The following ARHGAP44 variants were observed in gnomAD, a reference collection of about 807,000 sequenced individuals.
The protein encoded by ARHGAP44 is rho GTPase-activating protein 44.
In ARHGAP44, 43 loss-of-function variants were observed where a neutral mutation model predicts 106.8. The ratio of observed to expected loss-of-function variants is 0.40; its 90% confidence interval spans 0.32 to 0.52. The LOEUF is 0.52. ARHGAP44 is among the 20% of genes least tolerant of loss of function. The probability of loss-of-function intolerance (pLI) is 0.48; values close to 1 mark genes in which losing one functional copy is unlikely to be tolerated. For missense variants in ARHGAP44, 866 were observed against 1,050.5 expected (o/e 0.82, Z 2.43); for synonymous variants, 439 against 410.3 (o/e 1.07, Z -0.85).
intron 1 of ARHGAP44, among the ~76,000 whole-genome samples, chr17:12,858,775 C>A (rs1355212303): frequency 3.3e-5 from 5 of 152,038 alleles, no homozygotes; most frequent in African/African-American, 1.2e-4. Flanking sequence ...TAAAGACATA[C>A]CCAAGACTGG....
At chr17:12,800,798 C>G (rs565064841) in intron 1 of ARHGAP44, among the ~76,000 whole-genome samples, 12 of 152,310 alleles carry the variant, frequency 7.9e-5, no homozygotes, top group African/African-American at 2.9e-4. Context: ...GAACCAGGGC[C>G]TAAGTAGGTC....
At chr17:12,935,234 TAAC>T (rs920664167) in intron 7 of ARHGAP44, among the ~76,000 whole-genome samples, 3 of 152,178 alleles carry the variant, frequency 2.0e-5, no homozygotes, top group Non-Finnish European at 4.4e-5. Flanking sequence ...TTACTTATGA[TAAC>T]AATAAATTTC....
At chr17:12,879,683 G>GTATATATA (rs533622463) in intron 1 of ARHGAP44, among the ~76,000 whole-genome samples, 69 of 113,382 alleles carry the variant, frequency 6.1e-4, no homozygotes, top group African/African-American at 1.8e-3. Flanking sequence ...GTGTGTATGT[G>GTATATATA]TATATATATA....
intron 7 of ARHGAP44, among the ~76,000 whole-genome samples, chr17:12,940,089 G>A (rs2038664691): frequency 6.6e-6 from 1 of 152,216 alleles, no homozygotes; most frequent in African/African-American, 2.4e-5. Context: ...TCTTCCTGAA[G>A]CATATAGTTA....
intron 3 of ARHGAP44, among the ~76,000 whole-genome samples, chr17:12,904,306 C>T (rs2037481900): frequency 6.6e-6 from 1 of 152,136 alleles, no homozygotes; most frequent in Non-Finnish European, 1.5e-5. Flanking sequence ...TGGGGCTTCA[C>T]CATGTTAGCC....
chr17:12,893,960 G>C (rs73294279), intron 1 of ARHGAP44, among the ~76,000 whole-genome samples: 2 of 151,982 alleles, frequency 1.3e-5, no homozygotes, highest in Non-Finnish European at 2.9e-5. Flanking sequence ...AGGGTCTTAC[G>C]TTTCTAAACA....
At chr17:12,837,409 C>CA (rs956806032) in intron 1 of ARHGAP44, among the ~76,000 whole-genome samples, 7 of 151,164 alleles carry the variant, frequency 4.6e-5, no homozygotes, top group Admixed American at 2.6e-4. Context: ...TATGTACCCA[C>CA]AAAAAAAAGC....
At chr17:12,957,177 T>C (rs2143159727) in intron 15 of ARHGAP44, among the ~76,000 whole-genome samples, 1 of 152,222 alleles carries the variant, frequency 6.6e-6, no homozygotes, top group South Asian at 2.1e-4. Flanking sequence ...AGGCTGGTCT[T>C]GAACTCCTGA....
At chr17:12,971,951 C>T (rs1008720171) in intron 16 of ARHGAP44, among the ~76,000 whole-genome samples, 11 of 152,162 alleles carry the variant, frequency 7.2e-5, no homozygotes, top group Non-Finnish European at 1.5e-4. Flanking sequence ...CCCACCATCC[C>T]ACCTTCTGCA....
In ARHGAP44 at chr17:12,958,866, A is replaced by G; in HGVS notation, c.1492A>G (p.Asn498Asp). Residue 498 changes from asparagine (N) to aspartate (D), a missense_variant, in exon 16 of 21, where the codon AAT becomes GAT. Around this residue, in one of 2 missense-constraint regions of ARHGAP44, gnomAD observed 448 missense variants for 646.9 expected, o/e 0.69. Coordinates refer to ENST00000379672, the MANE Select transcript of ARHGAP44 (RefSeq NM_014859.6). The surrounding 1 kb of genome is among the most constrained non-coding windows in gnomAD (Gnocchi z 4.1). ...CCGGCCCCTCAGCGTCGCCACGGAT[A>G]ATATGATGCTGGAGTTTTACAAAAA... ...ARRPLSVATD[N>D]MMLEFYKKDG... The G allele has an allele frequency of 1.2e-6, 2 of 1,610,948 alleles. No homozygotes were observed. Among genetic ancestry groups the G allele is most frequent in the Non-Finnish European group, 1.7e-6 (2 of 1,178,556 alleles).
At chr17:12,857,464 C>T (rs2035944543) in intron 1 of ARHGAP44, among the ~76,000 whole-genome samples, 1 of 152,124 alleles carries the variant, frequency 6.6e-6, no homozygotes, top group South Asian at 2.1e-4. Context: ...AGACACTCTT[C>T]CTCATCTTAT....
chr17:12,982,380 C>G (rs988161240), intron 19 of ARHGAP44, among the ~76,000 whole-genome samples: 4 of 151,582 alleles, frequency 2.6e-5, no homozygotes, highest in African/African-American at 9.7e-5. Context: ...ACATCCTATT[C>G]CTGTCACCAC....
intron 16 of ARHGAP44, among the ~76,000 whole-genome samples, chr17:12,969,176 T>C (rs1418051452): frequency 1.3e-5 from 2 of 152,172 alleles, no homozygotes; most frequent in African/African-American, 4.8e-5. Flanking sequence ...CCAGGTGACA[T>C]GGGCCAGATG....
At chr17:12,882,111 A>G (rs771117058) in intron 1 of ARHGAP44, among the ~76,000 whole-genome samples, 48 of 152,152 alleles carry the variant, frequency 3.2e-4, no homozygotes, top group Non-Finnish European at 6.5e-4. Context: ...TTCAGAACTA[A>G]TTCTTCCCAT....
chr17:12,974,452 T>A, intron 18 of ARHGAP44, 142 bp downstream of exon 18: 1 of 717,954 alleles, frequency 1.4e-6, no homozygotes, highest in Non-Finnish European at 2.0e-6. Flanking sequence ...GGCTTCTGCG[T>A]CGCGCTGGCA....
intron 13 of ARHGAP44, among the ~76,000 whole-genome samples, chr17:12,954,660 G>A (rs1207790537): frequency 2.0e-5 from 3 of 152,066 alleles, no homozygotes; most frequent in African/African-American, 2.4e-5. Context: ...GCAAAATGGG[G>A]TTAGGACCAC....
intron 4 of ARHGAP44, among the ~76,000 whole-genome samples, chr17:12,915,607 CAG>C (rs1297169089): frequency 6.6e-6 from 1 of 152,164 alleles, no homozygotes; most frequent in African/African-American, 2.4e-5. Context: ...ATGTTCTCCT[CAG>C]AGATAGAAGC....
chr17:12,804,284 G>A (rs1457904928), intron 1 of ARHGAP44, among the ~76,000 whole-genome samples: 1 of 152,208 alleles, frequency 6.6e-6, no homozygotes, highest in Non-Finnish European at 1.5e-5. Flanking sequence ...GTTTACTATT[G>A]ACCATTAACA....
chr17:12,951,847 C>T (rs1401244215), intron 12 of ARHGAP44, among the ~76,000 whole-genome samples: 2 of 152,092 alleles, frequency 1.3e-5, no homozygotes, highest in African/African-American at 4.8e-5. Context: ...TCAGAGACTT[C>T]GATTGAATTG....
Sources: gnomAD v4.1 joint callset for allele counts (sites outside exome capture counted in the v4.1 genomes callset) on GRCh38, gnomAD v4.1.1 for gene constraint, gnomAD v4.1.1 regional missense constraint, Gnocchi (gnomAD v3.1) non-coding constraint, MANE v1.5 for transcripts, NCBI Gene and HGNC (gene_info 2026-07-23, HGNC 2026-07-21) for gene names.